SLC4A10: variants seen among roughly 807,000 people sequenced by gnomAD.
The protein encoded by SLC4A10 is sodium-driven chloride bicarbonate exchanger.
SLC4A10 carries 42 observed loss-of-function variants against 137.7 expected under a neutral mutation model. The observed-to-expected ratio is 0.30, with a 90% confidence interval of 0.24 to 0.39. The LOEUF (loss-of-function observed/expected upper bound fraction) is 0.39, where lower values mean the gene tolerates loss of function less well. Ranked by LOEUF, SLC4A10 falls within the 10% of genes least tolerant of loss-of-function variation. SLC4A10 has a pLI of 1.00. For synonymous variants in SLC4A10, 474 were observed against 464.1 expected, an observed-to-expected ratio of 1.02 and a Z score of -0.27; for missense variants, 925 against 1,355.0, an observed-to-expected ratio of 0.68 and a Z score of 4.98.
At chr2:161,683,389 A>C (rs772498668) in intron 1 of SLC4A10, among the ~76,000 whole-genome samples, 4 of 152,206 alleles carry the variant, frequency 2.6e-5, no homozygotes, top group Non-Finnish European at 5.9e-5. Flanking sequence ...TCCTTTAGAA[A>C]TAAGTTGCAG....
chr2:161,970,689 A>T (rs553702747), intron 23 of SLC4A10, among the ~76,000 whole-genome samples: 1 of 152,208 alleles, frequency 6.6e-6, no homozygotes, highest in Admixed American at 6.5e-5. Flanking sequence ...CTGAAAATGG[A>T]TGTAGTTGTA....
chr2:161,923,681 G>A (rs1353030316), intron 15 of SLC4A10, among the ~76,000 whole-genome samples: 8 of 151,896 alleles, frequency 5.3e-5, no homozygotes, highest in African/African-American at 7.3e-5. Flanking sequence ...TTGTGGGGTG[G>A]GGGGAGTGGG....
chr2:161,818,095 A>G (rs1029117753), intron 3 of SLC4A10, among the ~76,000 whole-genome samples: 2 of 152,022 alleles, frequency 1.3e-5, no homozygotes, highest in Non-Finnish European at 2.9e-5. Flanking sequence ...CATGATATTG[A>G]TTCTTCCTAC....
chr2:161,818,359 A>T (rs1252816262), intron 3 of SLC4A10, among the ~76,000 whole-genome samples: 1 of 152,176 alleles, frequency 6.6e-6, no homozygotes, highest in Non-Finnish European at 1.5e-5. Context: ...GTAGTTGCTT[A>T]TCAGCTTAAG....
intron 1 of SLC4A10, among the ~76,000 whole-genome samples, chr2:161,711,867 T>C (rs2044325784): frequency 1.3e-5 from 2 of 151,646 alleles, no homozygotes; most frequent in South Asian, 4.1e-4. Flanking sequence ...CCTCAAAGAG[T>C]TGTGGTAAAC....
In SLC4A10 at chr2:161,800,160, A is replaced by C. The variant is rs563214062; in HGVS notation, c.131-4289A>C. Among the ~76,000 whole-genome samples, 10 of 152,126 alleles carry C rather than the reference A, an allele frequency of 6.6e-5. No individual in the cohort carries two copies. In the East Asian group the frequency reaches 1.9e-3, roughly 29 times the overall value. ...TCAGTCCACCTTTAATCCAGATTTCAGTTTGTCTTGCTTTATAACTCCTTA... is the reference window on the plus strand; with the variant it reads ...TCAGTCCACCTTTAATCCAGATTTCCGTTTGTCTTGCTTTATAACTCCTTA... On this transcript the variant is annotated intron_variant, in intron 2 of 26. Transcript: ENST00000446997.
chr2:161,957,138 A>G lies in SLC4A10; in HGVS notation c.2691A>G (p.Pro897=), dbSNP rs1357884214. Reference sequence around the variant, plus strand: ...AACTGGAATCAGAATGCTCAGCTCCAGGAGAACAACCCAAATTTCTCGGCA... The same window carrying G: ...AACTGGAATCAGAATGCTCAGCTCCGGGAGAACAACCCAAATTTCTCGGCA... The part of the protein sequence containing the change: ...SLKLESECSA[P]GEQPKFLGIR... Residue 897 remains proline, a synonymous_variant, in exon 20 of 27, where the codon CCA becomes CCG. Coordinates refer to ENST00000446997, the MANE Select transcript of SLC4A10 (RefSeq NM_001178015.2). The G allele has an allele frequency of 1.2e-6, 2 of 1,613,828 alleles. No homozygotes were observed. Among genetic ancestry groups the G allele is most frequent in the South Asian group, 1.1e-5 (1 of 91,064 alleles).
chr2:161,938,223 A>C lies in SLC4A10; in HGVS notation c.1998-4569A>C, dbSNP rs572722847. On this transcript the variant is annotated intron_variant, in intron 15 of 26. Transcript: ENST00000446997. ...GAGGCGGAGGTTGCAGTGAACCGAG[A>C]TCATGCCATTGCACTCCAGTCTGGG... Among the ~76,000 whole-genome samples, 10 of 152,310 alleles carry C rather than the reference A, an allele frequency of 6.6e-5. No homozygotes were observed. In the Middle Eastern group the frequency reaches 0.014, roughly 207 times the overall value.
chr2:161,933,612 C>T (rs1691019890), intron 15 of SLC4A10, among the ~76,000 whole-genome samples: 1 of 152,116 alleles, frequency 6.6e-6, no homozygotes. Flanking sequence ...CCAGATTGTT[C>T]TCAAAGGTCT....
At chr2:161,854,078 A>C (rs2125851868) in intron 4 of SLC4A10, among the ~76,000 whole-genome samples, 1 of 152,276 alleles carries the variant, frequency 6.6e-6, no homozygotes, top group South Asian at 2.1e-4. Context: ...GGGGTCAAAA[A>C]TGACTAAGGA....
At chr2:161,679,790 A>G (rs963379284) in intron 1 of SLC4A10, among the ~76,000 whole-genome samples, 1 of 149,128 alleles carries the variant, frequency 6.7e-6, no homozygotes, top group African/African-American at 2.5e-5. Flanking sequence ...TTATTATTTT[A>G]TCAGAGTATT....
At chr2:161,667,786 GTT>G (rs1451785220) in intron 1 of SLC4A10, among the ~76,000 whole-genome samples, 1 of 151,610 alleles carries the variant, frequency 6.6e-6, no homozygotes, top group East Asian at 1.9e-4. Flanking sequence ...ATGACATACT[GTT>G]TTGATTGTGG....
At chr2:161,741,300 G>A (rs142024871) in intron 1 of SLC4A10, among the ~76,000 whole-genome samples, 23 of 146,366 alleles carry the variant, frequency 1.6e-4, no homozygotes, top group East Asian at 4.0e-4. Flanking sequence ...ACAGTCCTCC[G>A]CTCTACCAAC....
intron 11 of SLC4A10, among the ~76,000 whole-genome samples, chr2:161,896,067 A>T (rs1373728041): frequency 6.6e-6 from 1 of 152,078 alleles, no homozygotes; most frequent in African/African-American, 2.4e-5. Flanking sequence ...TAAGTCTTTA[A>T]TCCATCTTGA....
At chr2:161,759,243 T>A (rs1423185148) in intron 1 of SLC4A10, among the ~76,000 whole-genome samples, 1 of 152,006 alleles carries the variant, frequency 6.6e-6, no homozygotes, top group Non-Finnish European at 1.5e-5. Flanking sequence ...TGTACAGTGA[T>A]GATTTGATAT....
intron 8 of SLC4A10, 122 bp from the exon 9 acceptor site, chr2:161,879,009 T>A (rs2061593817): frequency 2.5e-6 from 2 of 785,130 alleles, no homozygotes; most frequent in Non-Finnish European, 3.7e-6. Context: ...GATGTTTAAC[T>A]GTGTGTATTT....
intron 1 of SLC4A10, among the ~76,000 whole-genome samples, chr2:161,656,834 C>A (rs1050314438): frequency 4.6e-5 from 7 of 151,896 alleles, no homozygotes; most frequent in Non-Finnish European, 1.0e-4. Flanking sequence ...CATATATGTT[C>A]TTTGTTAATA....
chr2:161,638,554 A>T (rs1182645734), intron 1 of SLC4A10, among the ~76,000 whole-genome samples: 1 of 152,128 alleles, frequency 6.6e-6, no homozygotes, highest in Non-Finnish European at 1.5e-5. Context: ...GAAGTCAGGT[A>T]GTGTGATACC....
intron 14 of SLC4A10, 141 bp downstream of exon 14, chr2:161,905,050 C>A (rs988874962): frequency 1.3e-6 from 1 of 775,044 alleles, no homozygotes; most frequent in Non-Finnish European, 2.0e-6. Flanking sequence ...TTTGCTTCAT[C>A]ATGGGAATAG....
Sources: allele counts gnomAD v4.1 joint callset (sites outside exome capture counted in the v4.1 genomes callset), GRCh38; gene constraint gnomAD v4.1.1; transcripts MANE v1.5; gene names NCBI Gene and HGNC (gene_info 2026-07-23, HGNC 2026-07-21).